MDGA2: variants seen among roughly 807,000 people sequenced by gnomAD.
MDGA2 encodes the protein MAM domain-containing glycosylphosphatidylinositol anchor protein 2.
MDGA2 carries 40 observed loss-of-function variants against 117.8 expected under a neutral mutation model. The observed-to-expected ratio is 0.34, with a 90% CI of 0.26 to 0.44. The LOEUF is 0.44. Among genes scored for constraint, MDGA2 ranks in the 20% least tolerant of loss-of-function variants. MDGA2 has a pLI of 1.00. For synonymous variants in MDGA2, 452 were observed against 439.0 expected (o/e 1.03, Z -0.37); for missense variants, 1,123 against 1,250.6 (o/e 0.90, Z 1.54).
intron 14 of MDGA2, among the ~76,000 whole-genome samples, chr14:46,863,320 T>G (rs1881588451): frequency 6.6e-6 from 1 of 152,174 alleles, no homozygotes; most frequent in African/African-American, 2.4e-5. Flanking sequence ...TGACTTTTAT[T>G]TTATTCAGAA....
intron 3 of MDGA2, among the ~76,000 whole-genome samples, chr14:47,199,688 A>T (rs1391784849): frequency 6.6e-6 from 1 of 152,170 alleles, no homozygotes; most frequent in East Asian, 1.9e-4. Flanking sequence ...AATAATAAAC[A>T]GACAGGTATT....
chr14:47,179,733 T>G (rs1884623354), intron 3 of MDGA2, among the ~76,000 whole-genome samples: 1 of 152,136 alleles, frequency 6.6e-6, no homozygotes, highest in Non-Finnish European at 1.5e-5. Context: ...TATAAAAAAT[T>G]AATTATCAAA....
At chr14:47,391,979 C>T (rs1891905353) in intron 1 of MDGA2, among the ~76,000 whole-genome samples, 1 of 152,158 alleles carries the variant, frequency 6.6e-6, no homozygotes, top group African/African-American at 2.4e-5. Flanking sequence ...CGACTTTTGG[C>T]ATGCTGTGAG....
intron 7 of MDGA2, among the ~76,000 whole-genome samples, chr14:47,052,575 G>A (rs2138731290): frequency 6.6e-6 from 1 of 151,826 alleles, no homozygotes; most frequent in East Asian, 1.9e-4. Context: ...ACAATTACAG[G>A]AAATAATAGA....
At chr14:47,201,554 A>G (rs2139444386) in intron 3 of MDGA2, among the ~76,000 whole-genome samples, 1 of 152,276 alleles carries the variant, frequency 6.6e-6, no homozygotes, top group South Asian at 2.1e-4. Flanking sequence ...CCTATGTTTC[A>G]CAATACTTGT....
At chr14:47,044,637 T>G (rs186344679) in intron 7 of MDGA2, among the ~76,000 whole-genome samples, 3 of 152,284 alleles carry the variant, frequency 2.0e-5, no homozygotes, top group Non-Finnish European at 4.4e-5. Flanking sequence ...AAAAACTGCC[T>G]TTTTTCACAC....
At chr14:46,882,249 G>A in intron 10 of MDGA2, 28 bp from the exon 11 acceptor site, 2 of 1,586,336 alleles carry the variant, frequency 1.3e-6, no homozygotes, top group Non-Finnish European at 1.7e-6. Flanking sequence ...ATAGAATAAT[G>A]TTCCCAGTAT....
intron 8 of MDGA2, among the ~76,000 whole-genome samples, chr14:46,978,251 T>C (rs1282427067): frequency 6.6e-6 from 1 of 151,958 alleles, no homozygotes; most frequent in Non-Finnish European, 1.5e-5. Context: ...AAGATAAACA[T>C]TCAGATGAAA....
intron 8 of MDGA2, among the ~76,000 whole-genome samples, chr14:46,994,306 CTG>C (rs1162937467): frequency 3.3e-5 from 5 of 152,106 alleles, no homozygotes; most frequent in Non-Finnish European, 7.4e-5. Flanking sequence ...CTACAATAAT[CTG>C]TAACTTTAAG....
At chr14:47,188,525 G>T (rs1355654744) in intron 3 of MDGA2, among the ~76,000 whole-genome samples, 1 of 152,168 alleles carries the variant, frequency 6.6e-6, no homozygotes, top group Non-Finnish European at 1.5e-5. Context: ...ACAGCCTTAC[G>T]TGAGACTCTA....
intron 10 of MDGA2, among the ~76,000 whole-genome samples, chr14:46,918,629 C>A (rs571273764): frequency 6.6e-6 from 1 of 152,078 alleles, no homozygotes. Flanking sequence ...TCTGCTGTAT[C>A]GGTAGCCTGT....
At chr14:47,664,750 A>C (rs1313157046) in intron 1 of MDGA2, among the ~76,000 whole-genome samples, 4 of 152,246 alleles carry the variant, frequency 2.6e-5, no homozygotes, top group Admixed American at 1.3e-4. Flanking sequence ...AAATGATTTT[A>C]GTCATTCTGG....
chr14:47,217,823 G>A (rs953024141), intron 3 of MDGA2, among the ~76,000 whole-genome samples, 198 bp downstream of exon 3: 9 of 151,996 alleles, frequency 5.9e-5, no homozygotes, highest in Admixed American at 6.6e-5. Context: ...TAATGAATAT[G>A]TATTATATCA....
chr14:47,639,217 T>C (rs532257896), intron 1 of MDGA2, among the ~76,000 whole-genome samples: 1 of 152,308 alleles, frequency 6.6e-6, no homozygotes, highest in East Asian at 1.9e-4. Flanking sequence ...AAATTTGTTG[T>C]CTATTTTACC....
chr14:46,882,885 T>C (rs1164810772), intron 10 of MDGA2, among the ~76,000 whole-genome samples: 1 of 151,874 alleles, frequency 6.6e-6, no homozygotes, highest in Non-Finnish European at 1.5e-5. Flanking sequence ...ACCATGGGAT[T>C]TGGCAAGATG....
chr14:47,347,958 A>G (rs927925054), intron 1 of MDGA2, among the ~76,000 whole-genome samples: 3 of 152,184 alleles, frequency 2.0e-5, no homozygotes, highest in African/African-American at 7.2e-5. Context: ...GAATTGAGAA[A>G]GGTCCCAGGA....
chr14:46,925,823 A>T (rs1292486451), intron 9 of MDGA2, among the ~76,000 whole-genome samples: 1 of 152,148 alleles, frequency 6.6e-6, no homozygotes, highest in Non-Finnish European at 1.5e-5. Flanking sequence ...AAGAAGAAAA[A>T]ATCAAATCTC....
chr14:47,414,574 AGTTT>A (rs1194760171), intron 1 of MDGA2, among the ~76,000 whole-genome samples: 2 of 152,198 alleles, frequency 1.3e-5, no homozygotes, highest in East Asian at 1.9e-4. Flanking sequence ...CTGATTAATT[AGTTT>A]AAGTAAAAAC....
chr14:47,345,120 C>T (rs1199323263), intron 1 of MDGA2, among the ~76,000 whole-genome samples: 1 of 151,896 alleles, frequency 6.6e-6, no homozygotes, highest in African/African-American at 2.4e-5. Flanking sequence ...AGTTCAAAAC[C>T]AATAAAAAAA....
Sources: gnomAD v4.1 joint callset for allele counts (sites outside exome capture counted in the v4.1 genomes callset) on GRCh38, gnomAD v4.1.1 for gene constraint, MANE v1.5 for transcripts, NCBI Gene and HGNC (gene_info 2026-07-23, HGNC 2026-07-21) for gene names.